Variants in GSTCD observed in about 807,000 individuals in gnomAD.
The protein encoded by GSTCD is glutathione S-transferase C-terminal domain-containing protein.
Under a neutral mutation model 68.3 loss-of-function variants are expected in GSTCD, and 44 were observed. That is an observed-to-expected ratio of 0.64 (90% CI 0.51 to 0.83). The LOEUF is 0.83. GSTCD is among the 40% of genes least tolerant of loss of function. The probability of loss-of-function intolerance (pLI) is 0.00; values close to 1 mark genes in which losing one functional copy is unlikely to be tolerated. For missense variants in GSTCD, 739 were observed against 735.9 expected (o/e 1.00, Z -0.05); for synonymous variants, 273 against 255.2 (o/e 1.07, Z -0.67).
At chr4:105,759,987 T>A (rs1734339449) in intron 5 of GSTCD, among the ~76,000 whole-genome samples, 1 of 152,100 alleles carries the variant, frequency 6.6e-6, no homozygotes, top group Non-Finnish European at 1.5e-5. Flanking sequence ...TATTTCGCAG[T>A]CCTCTTTAGT....
intron 8 of GSTCD, among the ~76,000 whole-genome samples, chr4:105,828,870 G>A (rs1723777099): frequency 6.6e-6 from 1 of 152,098 alleles, no homozygotes; most frequent in African/African-American, 2.4e-5. Flanking sequence ...CTCTCGTCTT[G>A]TGTAAACAAG....
intron 5 of GSTCD, chr4:105,746,187 TTTATATG>T (rs1383176689): frequency 6.6e-6 from 1 of 152,154 alleles, no homozygotes; most frequent in Admixed American, 6.5e-5. Context: ...TGACACATAT[TTTATATG>T]TTATATGTAT....
At chr4:105,764,835 CTTT>C in intron 5 of GSTCD, among the ~76,000 whole-genome samples, 1 of 152,208 alleles carries the variant, frequency 6.6e-6, no homozygotes, top group African/African-American at 2.4e-5. Context: ...TGATCATATT[CTTT>C]TATTTTTTAT....
chr4:105,840,416 G>GT (rs368729757), intron 10 of GSTCD: 25 of 227,456 alleles, frequency 1.1e-4, no homozygotes, highest in South Asian at 2.7e-4. Flanking sequence ...GCATTAAAAT[G>GT]TTTTTTTTAA....
intron 1 of GSTCD, among the ~76,000 whole-genome samples, chr4:105,710,218 T>G (rs1732478275): frequency 6.8e-6 from 1 of 146,684 alleles, no homozygotes; most frequent in African/African-American, 2.6e-5. Context: ...GCTTCTGTAG[T>G]AGTGGGCCCA....
intron 11 of GSTCD, among the ~76,000 whole-genome samples, chr4:105,842,684 A>T (rs1199467987): frequency 1.3e-5 from 2 of 152,254 alleles, no homozygotes; most frequent in Admixed American, 6.5e-5. Flanking sequence ...CACATTTAAA[A>T]GAATAATAGC....
intron 8 of GSTCD, among the ~76,000 whole-genome samples, chr4:105,829,611 C>G (rs1265324239): frequency 6.6e-6 from 1 of 152,112 alleles, no homozygotes; most frequent in East Asian, 1.9e-4. Flanking sequence ...TATTCACTAT[C>G]ATGAGAACAG....
intron 5 of GSTCD, among the ~76,000 whole-genome samples, chr4:105,732,248 A>G (rs1733272966): frequency 1.3e-5 from 2 of 152,186 alleles, no homozygotes; most frequent in Non-Finnish European, 2.9e-5. Flanking sequence ...ATTGATTGGA[A>G]TAGTTTCAGA....
chr4:105,754,199 C>G (rs949825504), intron 5 of GSTCD, among the ~76,000 whole-genome samples: 33 of 152,082 alleles, frequency 2.2e-4, no homozygotes, highest in Admixed American at 9.8e-4. Context: ...TTATTTTTAT[C>G]TAATTAGGCC....
At chr4:105,795,912 A>C (rs1735868455) in intron 5 of GSTCD, among the ~76,000 whole-genome samples, 1 of 151,052 alleles carries the variant, frequency 6.6e-6, no homozygotes, top group African/African-American at 2.5e-5. Flanking sequence ...TGTCCATAAA[A>C]ATTCACAACT....
intron 3 of GSTCD, 31 bp from the exon 4 acceptor site, chr4:105,726,548 T>C: frequency 7.1e-7 from 1 of 1,406,266 alleles, no homozygotes; most frequent in Non-Finnish European, 9.7e-7. Flanking sequence ...AAAATATATA[T>C]AATAATGTGT....
intron 5 of GSTCD, among the ~76,000 whole-genome samples, chr4:105,744,933 T>C (rs1038954960): frequency 2.6e-5 from 4 of 152,170 alleles, no homozygotes; most frequent in African/African-American, 7.2e-5. Flanking sequence ...TACAAACACA[T>C]ATACAACTAT....
chr4:105,741,920 C>T (rs867277943), intron 5 of GSTCD, among the ~76,000 whole-genome samples: 18 of 151,848 alleles, frequency 1.2e-4, no homozygotes, highest in Middle Eastern at 6.8e-3. Flanking sequence ...TCAAACATTG[C>T]ATGATAATAA....
intron 5 of GSTCD, among the ~76,000 whole-genome samples, chr4:105,779,288 G>A (rs1735189646): frequency 1.3e-5 from 2 of 152,054 alleles, no homozygotes; most frequent in Non-Finnish European, 2.9e-5. Context: ...CCCTCAACTT[G>A]TATTTGTCTG....
chr4:105,732,357 C>T (rs1424158471), intron 5 of GSTCD, among the ~76,000 whole-genome samples: 1 of 152,130 alleles, frequency 6.6e-6, no homozygotes, highest in Non-Finnish European at 1.5e-5. Context: ...TAATTATTGC[C>T]TCAATTTCAG....
chr4:105,800,217 C>T (rs1417407343), intron 5 of GSTCD, among the ~76,000 whole-genome samples: 2 of 152,128 alleles, frequency 1.3e-5, no homozygotes, highest in Non-Finnish European at 1.5e-5. Flanking sequence ...CAAGTCACAT[C>T]TTATGTGGAT....
chr4:105,813,888 A>G (rs1452962585), intron 5 of GSTCD, among the ~76,000 whole-genome samples: 1 of 152,166 alleles, frequency 6.6e-6, no homozygotes. Flanking sequence ...TCTCCAAATC[A>G]TCACTTAATT....
At chr4:105,819,675 CA>C (rs1488162106) in intron 5 of GSTCD, among the ~76,000 whole-genome samples, 1 of 151,684 alleles carries the variant, frequency 6.6e-6, no homozygotes, top group Non-Finnish European at 1.5e-5. Context: ...AAAACATTAA[CA>C]TTTGTGGTTG....
At chr4:105,799,050 C>T (rs977094184) in intron 5 of GSTCD, among the ~76,000 whole-genome samples, 1 of 152,218 alleles carries the variant, frequency 6.6e-6, no homozygotes, top group Non-Finnish European at 1.5e-5. Context: ...CTTGCTGTTT[C>T]ATCTTGCACT....
Sources: gnomAD v4.1 joint callset for allele counts (sites outside exome capture counted in the v4.1 genomes callset) on GRCh38, gnomAD v4.1.1 for gene constraint, MANE v1.5 for transcripts, NCBI Gene and HGNC (gene_info 2026-07-23, HGNC 2026-07-21) for gene names.